The following PDIA6 variants were observed in gnomAD, a reference collection of about 807,000 sequenced individuals.
PDIA6 encodes the protein protein disulfide-isomerase A6.
A neutral mutation model predicts 58.4 loss-of-function variants in PDIA6; 29 were observed. That is an observed-to-expected ratio of 0.50 (90% CI 0.37 to 0.68). PDIA6 has a LOEUF of 0.68. Ranked by LOEUF, PDIA6 falls within the 30% of genes least tolerant of loss-of-function variation. The probability of loss-of-function intolerance (pLI) is 0.00; values close to 1 mark genes in which losing one functional copy is unlikely to be tolerated. For synonymous variants in PDIA6, 192 were observed against 202.6 expected (o/e 0.95, Z 0.44); for missense variants, 480 against 551.0 (o/e 0.87, Z 1.29).
In PDIA6 at chr2:10,791,824, GA is replaced by G; in HGVS notation, c.554del (p.Phe185SerfsTer12). On this transcript the variant is annotated frameshift_variant, in exon 6 of 13. Coordinates refer to ENST00000272227, the MANE Select transcript of PDIA6 (RefSeq NM_005742.4). LOFTEE classifies it high-confidence loss of function. ...LDSEDVWMVE[F>X]YAPWCGHCKN... ...TGCAGTGTCCACACCAAGGAGCATA[GA>G]ACTCAACCATCCAAACATCTTCACT... is the stretch of plus-strand genomic sequence containing the variant. The G allele has an allele frequency of 6.2e-7, 1 of 1,614,100 alleles. No homozygotes were observed. The highest frequency in any genetic ancestry group is 8.5e-7 in the Non-Finnish European group (1 of 1,179,980).
At chr2:10,799,817 T>C (rs1666424909) in intron 2 of PDIA6, among the ~76,000 whole-genome samples, 1 of 151,230 alleles carries the variant, frequency 6.6e-6, no homozygotes, top group Admixed American at 6.6e-5. Context: ...CATATAAATA[T>C]GGCATACAGT....
chr2:10,792,779 C>CCCGT (rs1484087097), intron 5 of PDIA6, among the ~76,000 whole-genome samples: 1 of 152,154 alleles, frequency 6.6e-6, no homozygotes, highest in African/African-American at 2.4e-5. Flanking sequence ...TAGAGGAAAA[C>CCCGT]CCGTCCATCC....
chr2:10,818,985 A>G (rs1306500844), intron 2 of PDIA6, among the ~76,000 whole-genome samples: 1 of 152,006 alleles, frequency 6.6e-6, no homozygotes, highest in East Asian at 1.9e-4. Flanking sequence ...CTGTCATCCT[A>G]CTTTCTGTCT....
At chr2:10,826,692 G>A (rs1254237835) in intron 1 of PDIA6, among the ~76,000 whole-genome samples, 2 of 152,132 alleles carry the variant, frequency 1.3e-5, no homozygotes, top group African/African-American at 4.8e-5. Context: ...GAATCATATG[G>A]TGTGTGGATT....
chr2:10,828,562 G>A (rs1376357619), intron 1 of PDIA6, among the ~76,000 whole-genome samples: 1 of 152,216 alleles, frequency 6.6e-6, no homozygotes, highest in Non-Finnish European at 1.5e-5. Context: ...TTCCGCCCAT[G>A]CAGATGGCAG....
intron 1 of PDIA6, among the ~76,000 whole-genome samples, chr2:10,807,926 T>A (rs116419031): frequency 0.032 from 4,877 of 152,296 alleles, 266 homozygotes; most frequent in African/African-American, 0.11. Context: ...GTCATACATA[T>A]AAGGGGCAGG....
upstream of PDIA6, among the ~76,000 whole-genome samples, chr2:10,835,334 C>A (rs1180733746): frequency 6.6e-6 from 1 of 151,908 alleles, no homozygotes; most frequent in Admixed American, 6.6e-5. Flanking sequence ...CCCCGGCAGT[C>A]GGGCTCCGGA....
intron 11 of PDIA6, among the ~76,000 whole-genome samples, chr2:10,786,433 C>T (rs1291500178): frequency 6.6e-6 from 1 of 152,108 alleles, no homozygotes; most frequent in Non-Finnish European, 1.5e-5. Flanking sequence ...GCTGATCTCA[C>T]AGGGCTTCCT....
chr2:10,832,347 C>A, exon 1 of PDIA6: 4 of 866,182 alleles, frequency 4.6e-6, no homozygotes, highest in Non-Finnish European at 5.5e-6. Flanking sequence ...CAATGCAGTG[C>A]AGCCGTGAGA....
intron 12 of PDIA6, 45 bp from the exon 13 acceptor site, chr2:10,784,371 A>G (rs1032358948): frequency 6.7e-6 from 10 of 1,496,280 alleles, no homozygotes; most frequent in African/African-American, 1.4e-5. Context: ...AGAAGGGGAC[A>G]CCCTGGAAGG....
chr2:10,800,761 T>C (rs1055358979), intron 2 of PDIA6, among the ~76,000 whole-genome samples: 1 of 152,026 alleles, frequency 6.6e-6, no homozygotes, highest in Admixed American at 6.6e-5. Flanking sequence ...GCACCACGTC[T>C]GGGTAATTTG....
At chr2:10,830,290 C>T (rs886905556) in intron 1 of PDIA6, among the ~76,000 whole-genome samples, 6 of 152,232 alleles carry the variant, frequency 3.9e-5, no homozygotes, top group East Asian at 3.8e-4. Context: ...TGAACGCATC[C>T]GTGAATAATA....
rs528723508 is a variant in PDIA6 at position 10,791,877 on chromosome 2, C to T, written c.502G>A (p.Asp168Asn). ...SKKDVIELTD[D>N]SFDKNVLDSE... ...TCCAGAACATTCTTATCAAAGCTGT[C>T]GTCTGTCAGCTCAATCACATCCTTC... Residue 168 changes from aspartate (D) to asparagine (N), a missense_variant, in exon 6 of 13, where the codon GAC (aspartate) becomes AAC (asparagine). Physicochemically the swap from Asp to Asn is conservative, Grantham distance 23. Transcript: ENST00000272227. 4.8e-4 allele frequency: 776 copies of T among 1,614,020 alleles called. 6 individuals are homozygous for T. In the South Asian group the frequency reaches 7.9e-3, roughly 16 times the overall value.
chr2:10,837,531 C>T (rs79938993), exon 1 of PDIA6: 26 of 717,778 alleles, frequency 3.6e-5, no homozygotes, highest in East Asian at 1.1e-4. Flanking sequence ...TACCACGATC[C>T]GAGCGCCGTG....
At chr2:10,810,604 C>T (rs184598082) in intron 1 of PDIA6, among the ~76,000 whole-genome samples, 1 of 152,124 alleles carries the variant, frequency 6.6e-6, no homozygotes, top group Non-Finnish European at 1.5e-5. Flanking sequence ...TCTGCTTGTA[C>T]ACGGCTACCC....
upstream of PDIA6, among the ~76,000 whole-genome samples, chr2:10,816,443 C>A (rs1182492275): frequency 2.0e-5 from 3 of 150,442 alleles, no homozygotes; most frequent in African/African-American, 7.3e-5. Context: ...CAGGCTCCAG[C>A]CTAGAGTCAG....
At chr2:10,811,390 T>C (rs1010358194) in intron 1 of PDIA6, among the ~76,000 whole-genome samples, 5 of 151,984 alleles carry the variant, frequency 3.3e-5, no homozygotes, top group Non-Finnish European at 4.4e-5. Flanking sequence ...ATTAGCCAGG[T>C]GTGGTGGCAT....
At chr2:10,832,458 C>CT in exon 1 of PDIA6, 1 of 985,394 alleles carries the variant, frequency 1.0e-6, no homozygotes, top group Non-Finnish European at 1.2e-6. Context: ...GGCCAGGAGA[C>CT]CTAACCTTGC....
At chr2:10,804,328 C>A (rs1316387499) in intron 1 of PDIA6, among the ~76,000 whole-genome samples, 1 of 146,626 alleles carries the variant, frequency 6.8e-6, no homozygotes, top group East Asian at 2.0e-4. Context: ...GTCTTTAATC[C>A]ATCTTGAATT....
Sources: gnomAD v4.1 joint callset for allele counts (sites outside exome capture counted in the v4.1 genomes callset) on GRCh38, gnomAD v4.1.1 for gene constraint, MANE v1.5 for transcripts, NCBI Gene and HGNC (gene_info 2026-07-23, HGNC 2026-07-21) for gene names.